Variants in FBLN7 observed in about 807,000 individuals in gnomAD.
FBLN7 encodes the protein fibulin 7, also known as fibulin-7.
FBLN7 carries 31 observed loss-of-function variants against 44.0 expected under a neutral mutation model. The ratio of observed to expected loss-of-function variants is 0.70; its 90% confidence interval spans 0.53 to 0.95. FBLN7 has a LOEUF of 0.95. Ranked by LOEUF, FBLN7 falls within the 40% of genes least tolerant of loss-of-function variation. The pLI is 0.00. For synonymous variants in FBLN7, 262 were observed against 253.4 expected (o/e 1.03, Z -0.32); for missense variants, 573 against 618.5 (o/e 0.93, Z 0.78).
intron 1 of FBLN7, among the ~76,000 whole-genome samples, chr2:112,154,273 G>C (rs1489538959): frequency 2.0e-5 from 3 of 152,128 alleles, no homozygotes; most frequent in Non-Finnish European, 4.4e-5. Context: ...ACATAAGTTG[G>C]GCCACGACTG....
chr2:112,199,848 T>C, the FBLN7 span, among the ~76,000 whole-genome samples: 4,082 of 152,310 alleles, frequency 0.027, 81 homozygotes, highest in Non-Finnish European at 0.043. Flanking sequence ...GGCTTTATTA[T>C]AGAAGCGAGC....
At chr2:112,201,458 C>G in the FBLN7 span, among the ~76,000 whole-genome samples, 15 of 152,252 alleles carry the variant, frequency 9.9e-5, no homozygotes, top group Admixed American at 8.5e-4. Flanking sequence ...CCTTGCCGTT[C>G]CAGCTCCTTG....
chr2:112,194,008 G>C, the FBLN7 span, among the ~76,000 whole-genome samples: 1 of 152,192 alleles, frequency 6.6e-6, no homozygotes, highest in African/African-American at 2.4e-5. Context: ...CATGGATTCG[G>C]TGGGCCAGTA....
At chr2:112,147,173 G>T (rs1399213433) in intron 1 of FBLN7, among the ~76,000 whole-genome samples, 4 of 152,128 alleles carry the variant, frequency 2.6e-5, no homozygotes, top group Admixed American at 6.5e-5. Context: ...AACCATGTGG[G>T]CCTGGAGACT....
chr2:112,168,760 G>A (rs1325763823), intron 3 of FBLN7, among the ~76,000 whole-genome samples: 2 of 152,218 alleles, frequency 1.3e-5, no homozygotes, highest in African/African-American at 4.8e-5. Flanking sequence ...CACCAGTCGT[G>A]TGGTTGCCAT....
At chr2:112,160,828 G>A (rs1289337538) in intron 2 of FBLN7, among the ~76,000 whole-genome samples, 1 of 138,218 alleles carries the variant, frequency 7.2e-6, no homozygotes, top group East Asian at 2.0e-4. Flanking sequence ...ACACAAGCAC[G>A]CATACACGCA....
At chr2:112,169,073 C>T (rs999388563) in intron 3 of FBLN7, among the ~76,000 whole-genome samples, 1 of 152,212 alleles carries the variant, frequency 6.6e-6, no homozygotes, top group East Asian at 1.9e-4. Context: ...GAGTTCAAGA[C>T]CAGCCTGGCC....
At chr2:112,179,995 T>A (rs1235801067) in intron 4 of FBLN7, among the ~76,000 whole-genome samples, 1 of 152,202 alleles carries the variant, frequency 6.6e-6, no homozygotes, top group East Asian at 1.9e-4. Context: ...AAACGGATTC[T>A]AATTAAACTT....
chr2:112,177,899 A>C (rs1682805649), intron 4 of FBLN7: 1 of 152,088 alleles, frequency 6.6e-6, no homozygotes, highest in Non-Finnish European at 1.5e-5. Context: ...ATGATGACTC[A>C]TGCCTGTAAT....
the FBLN7 span, among the ~76,000 whole-genome samples, chr2:112,209,670 A>G: frequency 6.6e-6 from 1 of 152,152 alleles, no homozygotes; most frequent in Non-Finnish European, 1.5e-5. Context: ...AGGAAAATGG[A>G]GTCAGACAAA....
chr2:112,222,183 T>C, the FBLN7 span, among the ~76,000 whole-genome samples: 1 of 152,196 alleles, frequency 6.6e-6, no homozygotes, highest in Non-Finnish European at 1.5e-5. Context: ...TTGTTGAGTG[T>C]TCTTGTCCAT....
intron 2 of FBLN7, among the ~76,000 whole-genome samples, chr2:112,162,937 G>A (rs1681952355): frequency 6.6e-6 from 1 of 152,112 alleles, no homozygotes; most frequent in Admixed American, 6.5e-5. Flanking sequence ...GAACTATAAA[G>A]TAATTTATTT....
At chr2:112,231,741 A>T in the FBLN7 span, 1 of 620,332 alleles carries the variant, frequency 1.6e-6, no homozygotes. Context: ...TGCTAACCTA[A>T]GAGGCACTCT....
chr2:112,184,074 G>T (rs1299481872), intron 6 of FBLN7, among the ~76,000 whole-genome samples: 2 of 152,176 alleles, frequency 1.3e-5, no homozygotes, highest in Non-Finnish European at 2.9e-5. Context: ...AAGCCCAAGT[G>T]GGATCATCCT....
At chr2:112,142,965 T>C (rs2104534300) in intron 1 of FBLN7, among the ~76,000 whole-genome samples, 1 of 152,224 alleles carries the variant, frequency 6.6e-6, no homozygotes, top group East Asian at 1.9e-4. Flanking sequence ...TGTTGGTGAT[T>C]GTGTCTCTGT....
intron 3 of FBLN7, among the ~76,000 whole-genome samples, chr2:112,174,338 T>C (rs1425815489): frequency 6.6e-6 from 1 of 152,210 alleles, no homozygotes; most frequent in East Asian, 1.9e-4. Context: ...GCTCCTTCTC[T>C]AGGGATGAGC....
At chr2:112,198,378 T>C in the FBLN7 span, among the ~76,000 whole-genome samples, 1 of 152,158 alleles carries the variant, frequency 6.6e-6, no homozygotes, top group Admixed American at 6.5e-5. Flanking sequence ...GGCTCATGCC[T>C]ATAATCCCAG....
chr2:112,178,043 C>CCTA (rs2104595835), intron 4 of FBLN7: 1 of 151,734 alleles, frequency 6.6e-6, no homozygotes, highest in Admixed American at 6.6e-5. Context: ...GTGACGTGCA[C>CCTA]CTGTAATTCC....
the FBLN7 span, among the ~76,000 whole-genome samples, chr2:112,244,630 T>C: frequency 6.6e-6 from 1 of 152,212 alleles, no homozygotes; most frequent in Non-Finnish European, 1.5e-5. Context: ...CACCATTTTT[T>C]GAAAAGCATG....
Sources: allele counts gnomAD v4.1 joint callset (sites outside exome capture counted in the v4.1 genomes callset), GRCh38; gene constraint gnomAD v4.1.1; transcripts MANE v1.5; gene names NCBI Gene and HGNC (gene_info 2026-07-23, HGNC 2026-07-21).